PCDHGA2: variants seen among roughly 807,000 people sequenced by gnomAD.
PCDHGA2 encodes the protein protocadherin gamma-A2.
Under a neutral mutation model 59.2 loss-of-function variants are expected in PCDHGA2, and 40 were observed. The ratio of observed to expected loss-of-function variants is 0.68; its 90% CI spans 0.52 to 0.88. The LOEUF (loss-of-function observed/expected upper bound fraction) is 0.88, where lower values mean the gene tolerates loss of function less well. PCDHGA2 is among the 40% of genes least tolerant of loss of function. PCDHGA2 has a pLI of 0.00. For synonymous variants in PCDHGA2, 560 were observed against 526.0 expected (o/e 1.06, Z -0.89); for missense variants, 1,226 against 1,204.0 (o/e 1.02, Z -0.27).
intron 1 of PCDHGA2, chr5:141,393,352 T>G: frequency 1.2e-6 from 2 of 1,613,956 alleles, no homozygotes; most frequent in African/African-American, 2.7e-5. Context: ...CACTTCTCCC[T>G]GGACGTGCAG....
intron 1 of PCDHGA2, among the ~76,000 whole-genome samples, chr5:141,347,432 G>A (rs1248544823): frequency 1.3e-5 from 2 of 152,062 alleles, no homozygotes; most frequent in African/African-American, 4.8e-5. Flanking sequence ...TGCGATTAGA[G>A]GCATGAGCCA....
At position 141,388,927 on chromosome 5, in the gene PCDHGA2, A is replaced by G. The variant is rs772950330; in HGVS notation, c.2424+47532A>G. 7 of 1,614,064 alleles carry G rather than the reference A, an allele frequency of 4.3e-6. No individual in the cohort carries two copies. Among genetic ancestry groups the G allele is most frequent in the Non-Finnish European group, 5.1e-6 (6 of 1,179,890 alleles). Reference sequence around the variant, plus strand: ...GACAACGCCCCAGAAGTGATATTCCAGTCTCTACCCAACCTAATTATGGAG... The same window carrying G: ...GACAACGCCCCAGAAGTGATATTCCGGTCTCTACCCAACCTAATTATGGAG... On this transcript the variant is annotated intron_variant, in intron 1 of 3. Coordinates refer to ENST00000394576, the MANE Select transcript of PCDHGA2 (RefSeq NM_018915.4).
chr5:141,343,138 T>TG lies in PCDHGA2; in HGVS notation c.2424+1744dup, dbSNP rs531400799. On this transcript the variant is annotated intron_variant, in intron 1 of 3. Transcript: ENST00000394576. Reference sequence around the variant, plus strand: ...TTTGCTTTTATATCCTTATAATCTCTGTGAAGGAAGCTACTGTGTCTATAT... The same window carrying TG: ...TTTGCTTTTATATCCTTATAATCTCTGGTGAAGGAAGCTACTGTGTCTATAT... 1.8e-3 allele frequency: 402 copies of TG among 222,060 alleles called. 2 individuals carry two copies. The highest frequency in any genetic ancestry group is 8.2e-3 in the African/African-American group (351 of 42,882). 13.8% of individuals were successfully genotyped at this position (222,060 alleles called of 1,614,324 possible). A position where few individuals can be genotyped will look rare whatever the true frequency, so the allele number is the denominator to read the frequency against.
intron 1 of PCDHGA2, chr5:141,478,583 C>CT (rs754743497): frequency 5.7e-6 from 9 of 1,578,146 alleles, no homozygotes; most frequent in South Asian, 1.1e-5. Flanking sequence ...CCTGTTAGTG[C>CT]TTTTTTATTC....
At chr5:141,403,721 C>G (rs748888364) in intron 1 of PCDHGA2, 2 of 1,613,872 alleles carry the variant, frequency 1.2e-6, no homozygotes, top group East Asian at 2.2e-5. Flanking sequence ...GAACGTGCCC[C>G]CAGGCACCTG....
At chr5:141,351,917 G>A in intron 1 of PCDHGA2, 1 of 1,613,382 alleles carries the variant, frequency 6.2e-7, no homozygotes. Context: ...CGACCTCAAT[G>A]ACAATGCGCC....
At chr5:141,378,598 G>C (rs1374032317) in intron 1 of PCDHGA2, 4 of 152,136 alleles carry the variant, frequency 2.6e-5, no homozygotes, top group Admixed American at 6.5e-5. Context: ...TCTGCTTACA[G>C]GACATATCTC....
chr5:141,356,878 C>T (rs1234761441), intron 1 of PCDHGA2: 1 of 1,614,224 alleles, frequency 6.2e-7, no homozygotes, highest in African/African-American at 1.3e-5. Context: ...CGACAATGTC[C>T]CTGAGATCCT....
chr5:141,384,702 C>T lies in PCDHGA2; in HGVS notation c.2424+43307C>T, dbSNP rs115492697. ...CGGTGGACAAAGATTCAGGCCAGAACGCCTGGCTGTCATACCTCCTGCTTA... is the reference window on the plus strand; with the variant it reads ...CGGTGGACAAAGATTCAGGCCAGAATGCCTGGCTGTCATACCTCCTGCTTA... On this transcript the variant is annotated intron_variant, in intron 1 of 3. Coordinates refer to ENST00000394576, the MANE Select transcript of PCDHGA2 (RefSeq NM_018915.4). The T allele has an allele frequency of 1.9e-3, 3,011 of 1,614,186 alleles. 49 individuals carry two copies. The African/African-American group carries it at 0.033, about 18-fold the overall frequency.
At chr5:141,494,772 G>C in intron 1 of PCDHGA2, 35 bp from the exon 2 acceptor site, 1 of 1,613,982 alleles carries the variant, frequency 6.2e-7, no homozygotes, top group Non-Finnish European at 8.5e-7. Context: ...ACTTCTCACG[G>C]GTACTCAGCC....
At chr5:141,375,677 G>C (rs1171088976) in intron 1 of PCDHGA2, 2 of 1,614,236 alleles carry the variant, frequency 1.2e-6, no homozygotes, top group African/African-American at 2.7e-5. Flanking sequence ...ACAGCTGTGG[G>C]TGACAGCCAG....
rs919375073 is a variant in PCDHGA2 at position 141,490,642 on chromosome 5, C to A, written c.2425-4165C>A. On this transcript the variant is annotated intron_variant, in intron 1 of 3. Coordinates refer to ENST00000394576, the MANE Select transcript of PCDHGA2 (RefSeq NM_018915.4). This position sits in a 1 kb window ranked among gnomAD's most constrained non-coding sequence, Gnocchi z 5.4. ...CACTGCTTACATCCTAGAAAACCGG[C>A]CTCCGGGCTCCCTTCTTTGCACTGT... 4.3e-6 allele frequency: 7 copies of A among 1,614,102 alleles called. No individual in the cohort carries two copies. In the African/African-American group the frequency reaches 6.7e-5, roughly 15 times the overall value.
intron 1 of PCDHGA2, chr5:141,359,946 T>C: frequency 1.9e-6 from 1 of 524,822 alleles, no homozygotes; most frequent in East Asian, 3.2e-5. Context: ...TCGCTGTTGG[T>C]CAAAAGAACG....
chr5:141,423,757 G>GGC, intron 1 of PCDHGA2: 1 of 395,122 alleles, frequency 2.5e-6, no homozygotes, highest in East Asian at 1.5e-4. Context: ...GTTTGGGGGG[G>GGC]GGGTGGGGCG....
intron 1 of PCDHGA2, among the ~76,000 whole-genome samples, chr5:141,386,595 ATT>A (rs373179212): frequency 2.1e-5 from 3 of 146,060 alleles, no homozygotes; most frequent in African/African-American, 7.5e-5. Flanking sequence ...TGGGGGATAC[ATT>A]TTTTTTTTTT....
intron 1 of PCDHGA2, chr5:141,373,987 G>C: frequency 8.3e-7 from 1 of 1,199,482 alleles, no homozygotes; most frequent in South Asian, 2.3e-5. Flanking sequence ...GTCTCTGCTT[G>C]TTGAAGGACC....
At chr5:141,414,811 C>T in intron 1 of PCDHGA2, 3 of 1,614,254 alleles carry the variant, frequency 1.9e-6, no homozygotes, top group Non-Finnish European at 2.5e-6. Context: ...GGATCCTCCA[C>T]TCAGCAGCAA....
intron 1 of PCDHGA2, chr5:141,374,159 G>C: frequency 6.2e-7 from 1 of 1,612,288 alleles, no homozygotes. Context: ...GCTGTGGGGG[G>C]CCGCGGCAGC....
intron 1 of PCDHGA2, chr5:141,404,724 T>C: frequency 6.2e-7 from 1 of 1,613,942 alleles, no homozygotes; most frequent in Non-Finnish European, 8.5e-7. Context: ...GTGACCAAGG[T>C]GGTGGCAGTG....
Sources: gnomAD v4.1 joint callset for allele counts (sites outside exome capture counted in the v4.1 genomes callset) on GRCh38, gnomAD v4.1.1 for gene constraint, Gnocchi (gnomAD v3.1) non-coding constraint, MANE v1.5 for transcripts, NCBI Gene and HGNC (gene_info 2026-07-23, HGNC 2026-07-21) for gene names.